The following LRRC74B variants were observed in gnomAD, a reference collection of about 807,000 sequenced individuals.
LRRC74B encodes leucine rich repeat containing 74B.
Under a neutral mutation model 16.6 loss-of-function variants are expected in LRRC74B, and 30 were observed. That is an observed-to-expected ratio of 1.80 (90% CI 1.35 to 2.45). The LOEUF (loss-of-function observed/expected upper bound fraction) is 2.45. Among genes scored for constraint, LRRC74B ranks in the 30% most tolerant of loss-of-function variants. The pLI is 0.00. For synonymous variants in LRRC74B, 134 were observed against 86.0 expected (o/e 1.56, Z -3.09); for missense variants, 326 against 202.4 (o/e 1.61, Z -3.71).
rs116920943 is a variant in LRRC74B, at chr22:21,049,821, C to G, written c.622+664C>G. On this transcript the variant is annotated intron_variant, in intron 4 of 8. Transcript: ENST00000442047. ...GCGGATGTGATTGGGATTCCTTGAT[C>G]TCATCACTGTCATGCCCCTGAGCAT... Among the ~76,000 whole-genome samples the G allele has an allele frequency of 5.9e-5, 9 of 152,168 alleles. No individual in the cohort carries two copies. In the East Asian group the frequency reaches 1.7e-3, roughly 29 times the overall value.
intron 8 of LRRC74B, among the ~76,000 whole-genome samples, chr22:21,058,323 A>G (rs1318107398): frequency 6.6e-6 from 1 of 152,086 alleles, no homozygotes; most frequent in Admixed American, 6.5e-5. Flanking sequence ...CATCCTGGGC[A>G]ACACAGAAAG....
exon 2 of LRRC74B, chr22:21,047,430 A>G: frequency 1.4e-6 from 1 of 717,492 alleles, no homozygotes; most frequent in Non-Finnish European, 2.6e-6. Context: ...TGTTGTGCCC[A>G]TCTCCTGCTT....
intron 3 of LRRC74B, chr22:21,048,745 C>T (rs1929706473): frequency 3.4e-6 from 2 of 585,938 alleles, no homozygotes; most frequent in East Asian, 5.6e-5. Context: ...AACCACTTGA[C>T]ACAGAAGCTG....
At chr22:21,049,087 C>G (rs28450680) in exon 4 of LRRC74B, 2 of 602,180 alleles carry the variant, frequency 3.3e-6, no homozygotes. Context: ...AGCACCTTGC[C>G]GAACTCCTGC....
intron 5 of LRRC74B, 56 bp downstream of exon 5, chr22:21,052,414 AG>A: frequency 1.4e-6 from 1 of 713,620 alleles, no homozygotes. Flanking sequence ...CCTGTCTCCC[AG>A]GGGCCACCTC....
downstream of LRRC74B, among the ~76,000 whole-genome samples, chr22:21,061,529 G>T (rs1930805425): frequency 1.4e-5 from 2 of 139,804 alleles, no homozygotes; most frequent in Admixed American, 1.4e-4. Context: ...TGGGTGCAGT[G>T]GCACGTGCCT....
chr22:21,058,586 C>T (rs1930664731), intron 8 of LRRC74B, among the ~76,000 whole-genome samples: 2 of 151,908 alleles, frequency 1.3e-5, no homozygotes, highest in South Asian at 4.2e-4. Context: ...TTTTTTTCAA[C>T]CCAGACTTGA....
At chr22:21,052,545 A>C (rs1477560374) in intron 5 of LRRC74B, among the ~76,000 whole-genome samples, 187 bp downstream of exon 5, 1 of 152,192 alleles carries the variant, frequency 6.6e-6, no homozygotes, top group East Asian at 1.9e-4. Flanking sequence ...CACTGTGCTC[A>C]CCGTCACATA....
chr22:21,057,286 C>T (rs1930591925), intron 8 of LRRC74B, 86 bp downstream of exon 8: 2 of 675,454 alleles, frequency 3.0e-6, no homozygotes, highest in Non-Finnish European at 5.4e-6. Flanking sequence ...GTGAGGGTTA[C>T]AGAAATCAAG....
downstream of LRRC74B, chr22:21,060,623 G>T: frequency 3.2e-6 from 2 of 625,504 alleles, no homozygotes; most frequent in Non-Finnish European, 2.9e-6. Flanking sequence ...ACTTGTGTCT[G>T]CACTGAGTCC....
At chr22:21,052,410 T>C in intron 5 of LRRC74B, 52 bp downstream of exon 5, 2 of 714,030 alleles carry the variant, frequency 2.8e-6, no homozygotes, top group Middle Eastern at 5.1e-4. Context: ...GGGGCCTGTC[T>C]CCCAGGGGCC....
At chr22:21,050,283 C>T (rs528312896) in intron 4 of LRRC74B, among the ~76,000 whole-genome samples, 2 of 152,010 alleles carry the variant, frequency 1.3e-5, no homozygotes, top group Non-Finnish European at 2.9e-5. Flanking sequence ...GATCCGCCCG[C>T]CTTGGCCTCC....
intron 7 of LRRC74B, 136 bp from the exon 8 acceptor site, chr22:21,056,969 G>T (rs1930568199): frequency 3.3e-6 from 2 of 613,514 alleles, no homozygotes; most frequent in East Asian, 2.8e-5. Flanking sequence ...CTATCTGATG[G>T]AGACACCTTC....
exon 6 of LRRC74B, chr22:21,053,417 G>A (rs1437642024): frequency 1.4e-6 from 1 of 717,552 alleles, no homozygotes; most frequent in East Asian, 2.7e-5. Context: ...GGATCCTGGA[G>A]CCTCTGCGGT....
intron 1 of LRRC74B, 148 bp from the exon 2 acceptor site, chr22:21,047,208 T>A: frequency 1.9e-5 from 11 of 580,502 alleles, no homozygotes; most frequent in Non-Finnish European, 3.1e-6. Flanking sequence ...GATGTCCTCA[T>A]CTGTCATATG....
intron 8 of LRRC74B, among the ~76,000 whole-genome samples, chr22:21,058,143 C>T (rs1930646743): frequency 6.6e-6 from 1 of 151,372 alleles, no homozygotes; most frequent in Non-Finnish European, 1.5e-5. Flanking sequence ...TCAGGTGATC[C>T]ACCCACCTCG....
exon 5 of LRRC74B, chr22:21,052,335 G>A (rs543937593): frequency 2.8e-4 from 203 of 717,492 alleles, no homozygotes; most frequent in Non-Finnish European, 4.3e-4. Flanking sequence ...CCCAGGAGCT[G>A]TGGCATTTGC....
In LRRC74B at chr22:21,051,566, C is replaced by G. The variant is rs1260434345; in HGVS notation, c.623-683C>G. ...CTATGGCACCAGCCTTCCATCTGGT[C>G]CCCCAGCCTCTTGCCTCTGCCCCCA... On this transcript the variant is annotated intron_variant, in intron 4 of 8. Coordinates refer to ENST00000442047, the Ensembl canonical transcript of LRRC74B. Among the ~76,000 whole-genome samples, 6 of 152,138 alleles carry G rather than the reference C, an allele frequency of 3.9e-5. No homozygotes were observed. The East Asian group carries it at 1.2e-3, about 29-fold the overall frequency.
chr22:21,054,537 C>T (rs894753330), intron 6 of LRRC74B, among the ~76,000 whole-genome samples: 2 of 152,096 alleles, frequency 1.3e-5, no homozygotes, highest in Non-Finnish European at 2.9e-5. Flanking sequence ...AGGGGCAGCT[C>T]CCTGTGGGCA....
Sources: gnomAD v4.1 joint callset for allele counts (sites outside exome capture counted in the v4.1 genomes callset) on GRCh38, gnomAD v4.1.1 for gene constraint, MANE v1.5 for transcripts, NCBI Gene and HGNC (gene_info 2026-07-23, HGNC 2026-07-21) for gene names.